Variants in SEC22C observed in about 807,000 individuals in gnomAD.
SEC22C encodes vesicle-trafficking protein SEC22c.
A neutral mutation model predicts 34.7 loss-of-function variants in SEC22C; 29 were observed. The observed-to-expected ratio is 0.84, with a 90% confidence interval of 0.62 to 1.14. The LOEUF (loss-of-function observed/expected upper bound fraction) is 1.14, where lower values mean the gene tolerates loss of function less well. Among genes scored for constraint, SEC22C ranks in the 50% most tolerant of loss-of-function variants. SEC22C has a pLI of 0.00. For missense variants in SEC22C, 337 were observed against 369.0 expected (o/e 0.91, Z 0.71); for synonymous variants, 117 against 132.8 (o/e 0.88, Z 0.82).
In SEC22C at chr3:42,550,702, A is replaced by G. The variant is rs1702210533; in HGVS notation, c.*2546T>C. Reference sequence around the variant, plus strand: ...CATCTCTGGTAGTGCCTCGGTGGTCAGGAAGCATTACCAGGAAGGACTCAT... The same window carrying G: ...CATCTCTGGTAGTGCCTCGGTGGTCGGGAAGCATTACCAGGAAGGACTCAT... On this transcript the variant is annotated 3_prime_UTR_variant, in exon 7 of 7. Transcript: ENST00000264454. 8.1e-6 allele frequency: 8 copies of G among 985,162 alleles called. No homozygotes were observed. Among genetic ancestry groups the G allele is most frequent in the Non-Finnish European group, 8.4e-6 (7 of 829,862 alleles). 61.0% of individuals were successfully genotyped at this position (985,162 alleles called of 1,614,324 possible).
chr3:42,550,068 T>C lies in SEC22C; in HGVS notation c.*3180A>G, dbSNP rs1436292115. ...AAAACAGATTTACATGTTTCGTTCA[T>C]TAGCATATTAGGGAAGGGGAAACCT... On this transcript the variant is annotated 3_prime_UTR_variant, in exon 7 of 7. Transcript: ENST00000264454. 1.7e-5 allele frequency: 17 copies of C among 985,342 alleles called. No homozygotes were observed. The highest frequency in any genetic ancestry group is 1.1e-4 in the East Asian group (1 of 8,834). The allele number at this position is 985,342 out of a possible 1,614,324, so 61.0% of individuals were successfully genotyped here. A position where few individuals can be genotyped will look rare whatever the true frequency, so the allele number is the denominator to read the frequency against.
intron 6 of SEC22C, 39 bp from the exon 7 acceptor site, chr3:42,553,487 A>T: frequency 6.2e-7 from 1 of 1,601,732 alleles, no homozygotes; most frequent in South Asian, 1.1e-5. Context: ...ATCAGAGATA[A>T]AATGGCCACT....
intron 1 of SEC22C, chr3:42,591,365 A>G (rs996240716): frequency 2.6e-5 from 16 of 611,230 alleles, no homozygotes; most frequent in Non-Finnish European, 4.4e-5. Context: ...CTCCCGGCTA[A>G]TTTTTGTATT....
At chr3:42,590,656 C>T (rs1045630232) in intron 1 of SEC22C, among the ~76,000 whole-genome samples, 3 of 152,112 alleles carry the variant, frequency 2.0e-5, no homozygotes, top group Non-Finnish European at 4.4e-5. Context: ...GTAGACCCAG[C>T]CCCAACCCAC....
chr3:42,567,285 G>A (rs1226925121), intron 2 of SEC22C, among the ~76,000 whole-genome samples: 1 of 152,198 alleles, frequency 6.6e-6, no homozygotes, highest in East Asian at 1.9e-4. Context: ...TCTAAAACGA[G>A]AAAATAGACG....
intron 6 of SEC22C, among the ~76,000 whole-genome samples, chr3:42,554,430 C>T (rs905515461): frequency 2.0e-5 from 3 of 152,180 alleles, no homozygotes; most frequent in Admixed American, 1.3e-4. Flanking sequence ...CCGCAACCTC[C>T]ACCTCCAGGG....
At chr3:42,565,021 G>A (rs907700000) in intron 2 of SEC22C, among the ~76,000 whole-genome samples, 1 of 152,132 alleles carries the variant, frequency 6.6e-6, no homozygotes, top group African/African-American at 2.4e-5. Flanking sequence ...ACCTCCCAAA[G>A]TGCTGGGATT....
Position 42,551,410 on chromosome 3 carries a change from T to C in SEC22C, c.*1838A>G, listed in dbSNP as rs342538. On this transcript the variant is annotated 3_prime_UTR_variant, in exon 7 of 7. Transcript: ENST00000264454. ...AGGCTGGGGTGCAGTGGTGTGATTA[T>C]AGCTCATGGAAGCCTCAAACTCCTG... is the stretch of plus-strand genomic sequence containing the variant. The C allele has an allele frequency of 0.22, 194,789 of 902,332 alleles. 22,538 individuals carry two copies. Among genetic ancestry groups the C allele is most frequent in the East Asian group, 0.48 (3,984 of 8,386 alleles). 55.9% of individuals were successfully genotyped at this position (902,332 alleles called of 1,614,324 possible). A position where few individuals can be genotyped will look rare whatever the true frequency, so the allele number is the denominator to read the frequency against.
intron 1 of SEC22C, chr3:42,581,242 C>T (rs1704323206): frequency 1.3e-5 from 2 of 152,128 alleles, no homozygotes; most frequent in African/African-American, 4.8e-5. Flanking sequence ...TTTTTTCTGA[C>T]CATGTCACAA....
chr3:42,551,906 T>G lies in SEC22C; in HGVS notation c.*1342A>C, dbSNP rs2125692301. 1 of 985,270 alleles carries G rather than the reference T, an allele frequency of 1.0e-6. No individual in the cohort carries two copies. Among genetic ancestry groups the G allele is most frequent in the East Asian group, 1.1e-4 (1 of 8,808 alleles). 61.0% of individuals were successfully genotyped at this position (985,270 alleles called of 1,614,324 possible). A position where few individuals can be genotyped will look rare whatever the true frequency, so the allele number is the denominator to read the frequency against. Reference sequence around the variant, plus strand: ...CTATCAAAATAGGATTTTTAAAAATTTATCAAGACCACATAATGCAGTTGA... The same window carrying G: ...CTATCAAAATAGGATTTTTAAAAATGTATCAAGACCACATAATGCAGTTGA... On this transcript the variant is annotated 3_prime_UTR_variant, in exon 7 of 7. Coordinates refer to ENST00000264454, the MANE Select transcript of SEC22C (RefSeq NM_032970.4).
chr3:42,573,383 G>C (rs1397563271), intron 1 of SEC22C: 1 of 152,058 alleles, frequency 6.6e-6, no homozygotes, highest in Non-Finnish European at 1.5e-5. Flanking sequence ...AAATTAGCCG[G>C]GCATGGTGGC....
Position 42,548,637 on chromosome 3 carries a change from G to A in SEC22C, c.*4611C>T, listed in dbSNP as rs1702097701. On this transcript the variant is annotated 3_prime_UTR_variant, in exon 7 of 7. Coordinates refer to ENST00000264454, the MANE Select transcript of SEC22C (RefSeq NM_032970.4). ...TGGCTCACGAGGTTTGGTCCAACCA[G>A]CAGAACCAGCTCCTTGGATCCTGGA... 1.2e-6 allele frequency: 2 copies of A among 1,613,846 alleles called. No homozygotes were observed. The highest frequency in any genetic ancestry group is 2.7e-5 in the African/African-American group (2 of 74,902).
rs1473728594 is a variant in SEC22C at position 42,549,294 on chromosome 3, C to T, written c.*3954G>A. 9 of 985,870 alleles carry T rather than the reference C, an allele frequency of 9.1e-6. No homozygotes were observed. The highest frequency in any genetic ancestry group is 1.1e-5 in the Non-Finnish European group (9 of 830,228). The allele number at this position is 985,870 out of a possible 1,614,324, so 61.1% of individuals were successfully genotyped here. A position where few individuals can be genotyped will look rare whatever the true frequency, so the allele number is the denominator to read the frequency against. ...CCTGCCTGTCCTCACTTGTGCTGCA[C>T]TATGCAAGCAAGCAGCAGGTTCTCA... On this transcript the variant is annotated 3_prime_UTR_variant, in exon 7 of 7. Coordinates refer to ENST00000264454, the MANE Select transcript of SEC22C (RefSeq NM_032970.4).
At position 42,552,605 on chromosome 3, in the gene SEC22C, A is replaced by C; in HGVS notation, c.*643T>G. 2.0e-6 allele frequency: 2 copies of C among 983,336 alleles called. No individual in the cohort carries two copies. The highest frequency in any genetic ancestry group is 2.4e-6 in the Non-Finnish European group (2 of 828,022). The allele number at this position is 983,336 out of a possible 1,614,324, so 60.9% of individuals were successfully genotyped here. On this transcript the variant is annotated 3_prime_UTR_variant, in exon 7 of 7. Coordinates refer to ENST00000264454, the MANE Select transcript of SEC22C (RefSeq NM_032970.4). ...CACTATAAAAGGTTACATATAAATTAAATAAACTCAGATTTCTTAACCATT... is the reference window on the plus strand; with the variant it reads ...CACTATAAAAGGTTACATATAAATTCAATAAACTCAGATTTCTTAACCATT...
Position 42,550,868 on chromosome 3 carries a change from CTTTTTT to C in SEC22C, c.*2374_*2379del. 7.7e-6 allele frequency: 7 copies of C among 913,942 alleles called. No homozygotes were observed. The highest frequency in any genetic ancestry group is 8.9e-6 in the Non-Finnish European group (7 of 783,780). 56.6% of individuals were successfully genotyped at this position (913,942 alleles called of 1,614,324 possible). A position where few individuals can be genotyped will look rare whatever the true frequency, so the allele number is the denominator to read the frequency against. ...TCCATTTTTAAGCCGTTCTTACCGA[CTTTTTT>C]TTTTTTTTTTTTTGAGACGGAGTCT... is the stretch of plus-strand genomic sequence containing the variant. On this transcript the variant is annotated 3_prime_UTR_variant, in exon 7 of 7. Transcript: ENST00000264454.
chr3:42,591,602 G>C (rs1577374219), intron 1 of SEC22C: 1 of 1,610,226 alleles, frequency 6.2e-7, no homozygotes, highest in Non-Finnish European at 8.5e-7. Flanking sequence ...AGTGCGTGCA[G>C]TAAGTACCCC....
intron 1 of SEC22C, among the ~76,000 whole-genome samples, chr3:42,593,980 G>A (rs1704950636): frequency 6.6e-6 from 1 of 152,182 alleles, no homozygotes. Flanking sequence ...AGCCATAAGA[G>A]GTGAGATCAG....
chr3:42,550,078 A>G lies in SEC22C; in HGVS notation c.*3170T>C, dbSNP rs1577279979. The G allele has an allele frequency of 5.1e-6, 5 of 985,484 alleles. No individual in the cohort carries two copies. The highest frequency in any genetic ancestry group is 6.0e-6 in the Non-Finnish European group (5 of 829,952). The allele number at this position is 985,484 out of a possible 1,614,324, so 61.0% of individuals were successfully genotyped here. On this transcript the variant is annotated 3_prime_UTR_variant, in exon 7 of 7. Coordinates refer to ENST00000264454, the MANE Select transcript of SEC22C (RefSeq NM_032970.4). Reference sequence around the variant, plus strand: ...TACATGTTTCGTTCATTAGCATATTAGGGAAGGGGAAACCTTTTGGGCTCT... The same window carrying G: ...TACATGTTTCGTTCATTAGCATATTGGGGAAGGGGAAACCTTTTGGGCTCT...
At chr3:42,598,418 C>T (rs1278129388) in intron 1 of SEC22C, among the ~76,000 whole-genome samples, 1 of 151,586 alleles carries the variant, frequency 6.6e-6, no homozygotes, top group East Asian at 1.9e-4. Flanking sequence ...ATCTCTGCCT[C>T]CCGGGTTCAA....
Sources: allele counts gnomAD v4.1 joint callset (sites outside exome capture counted in the v4.1 genomes callset), GRCh38; gene constraint gnomAD v4.1.1; transcripts MANE v1.5; gene names NCBI Gene and HGNC (gene_info 2026-07-23, HGNC 2026-07-21).